Variants in MEI1 observed in about 807,000 individuals in gnomAD.
The protein encoded by MEI1 is meiotic double-stranded break formation protein 1.
Under a neutral mutation model 146.2 loss-of-function variants are expected in MEI1, and 103 were observed. The observed-to-expected ratio is 0.70, with a 90% CI of 0.60 to 0.83. MEI1 has a LOEUF of 0.83. Ranked by LOEUF, MEI1 falls within the 40% of genes least tolerant of loss-of-function variation. The pLI is 0.00. For synonymous variants in MEI1, 652 were observed against 628.2 expected, an observed-to-expected ratio of 1.04 and a Z score of -0.57; for missense variants, 1,529 against 1,533.0, an observed-to-expected ratio of 1.00 and a Z score of 0.04.
At chr22:41,739,812 A>G (rs2072703516) in intron 11 of MEI1, among the ~76,000 whole-genome samples, 1 of 152,150 alleles carries the variant, frequency 6.6e-6, no homozygotes, top group Non-Finnish European at 1.5e-5. Flanking sequence ...TTTCAGTTGT[A>G]CTATGAAGGG....
At chr22:41,799,188 G>A (rs1179640949) in intron 30 of MEI1, 66 bp from the exon 31 acceptor site, 13 of 1,489,602 alleles carry the variant, frequency 8.7e-6, no homozygotes, top group Non-Finnish European at 4.7e-6. Context: ...TTTGGGCTCT[G>A]GAAGTGTGAT....
chr22:41,781,547 T>A (rs2052472932), intron 23 of MEI1, 138 bp from the exon 24 acceptor site: 3 of 1,181,822 alleles, frequency 2.5e-6, no homozygotes, highest in Admixed American at 4.8e-5. Flanking sequence ...GCTTCTGTTA[T>A]GAAGCTGGGA....
rs994230196 is a variant in MEI1 at position 41,716,055 on chromosome 22, C to T, written c.438C>T (p.Pro146=). The part of the protein sequence containing the change: ...DECHKELCNM[P]SMRGSLATLT... ...ACTTTCTGTAGCTGTGTAACATGCCCTCCATGCGAGGCAGCCTGGCCACCC... is the reference window on the plus strand; with the variant it reads ...ACTTTCTGTAGCTGTGTAACATGCCTTCCATGCGAGGCAGCCTGGCCACCC... The change falls in exon 5 of 31, where the codon CCC becomes CCT. Residue 146 remains proline, a synonymous_variant. Coordinates refer to ENST00000401548, the MANE Select transcript of MEI1 (RefSeq NM_152513.4). The T allele has an allele frequency of 1.9e-6, 3 of 1,609,876 alleles. No homozygotes were observed. Among genetic ancestry groups the T allele is most frequent in the Admixed American group, 1.7e-5 (1 of 59,582 alleles).
chr22:41,725,606 C>A lies in MEI1; in HGVS notation c.864+1533C>A, dbSNP rs566106842. Among the ~76,000 whole-genome samples, 62 of 152,360 alleles carry A rather than the reference C, an allele frequency of 4.1e-4. No homozygotes were observed. The South Asian group carries it at 0.012, about 30-fold the overall frequency. On this transcript the variant is annotated intron_variant, in intron 7 of 30. Transcript: ENST00000401548. The stretch of plus-strand genomic sequence containing the variant: ...TCCACCCCACAACCCAGTGCTCCAG[C>A]CACATGCAGTCTTTCCCTGGTCCTG...
chr22:41,741,018 C>A (rs2072814867), intron 11 of MEI1, among the ~76,000 whole-genome samples: 2 of 152,178 alleles, frequency 1.3e-5, no homozygotes, highest in African/African-American at 4.8e-5. Context: ...TCAAGCGATT[C>A]TCCTGCCTCA....
rs369345098 is a variant in MEI1 at position 41,731,622 on chromosome 22, T to C, written c.1097-623T>C. Among the ~76,000 whole-genome samples the C allele has an allele frequency of 3.9e-4, 59 of 152,230 alleles. 2 individuals carry two copies. The South Asian group carries it at 0.012, about 30-fold the overall frequency. On this transcript the variant is annotated intron_variant, in intron 9 of 30. Coordinates refer to ENST00000401548, the MANE Select transcript of MEI1 (RefSeq NM_152513.4). ...ATCTGCCTGCCTCGGCCTCCCAAAG[T>C]GCTGGGATTACAGGCGTGAGTGCAC...
chr22:41,703,397 A>C lies in MEI1; in HGVS notation c.241A>C (p.Thr81Pro), dbSNP rs2068855759. 1 of 1,610,548 alleles carries C rather than the reference A, an allele frequency of 6.2e-7. No homozygotes were observed. The highest frequency in any genetic ancestry group is 8.5e-7 in the Non-Finnish European group (1 of 1,178,336). ...CCTTGTGAGGCATACCTCCCTGGTC[A>C]CGCAACTGGTGTCTCAGGATCAGAG... Reference protein sequence around the residue: ...DALVRHTSLVTQLVSQDQRVC... With the variant: ...DALVRHTSLVPQLVSQDQRVC... Residue 81 changes from threonine (T) to proline (P), a missense_variant, in exon 2 of 31, where the codon ACG becomes CCG. This residue lies in a region of MEI1 where 1,212 missense variants were observed against 1,178.9 expected (regional missense o/e 1.03). Transcript: ENST00000401548.
At chr22:41,764,702 A>G (rs2074728130) in intron 19 of MEI1, among the ~76,000 whole-genome samples, 1 of 152,200 alleles carries the variant, frequency 6.6e-6, no homozygotes, top group Non-Finnish European at 1.5e-5. Flanking sequence ...TTGTCCACAC[A>G]CAACCACCAC....
At position 41,714,084 on chromosome 22, in the gene MEI1, A is replaced by T. The variant is rs1041410756; in HGVS notation, c.423+9A>T. 1.3e-6 allele frequency: 2 copies of T among 1,591,176 alleles called. No homozygotes were observed. Among genetic ancestry groups the T allele is most frequent in the Admixed American group, 3.6e-5 (2 of 56,262 alleles). ...ATGAGTGCCACAAAGAGGTCAGAAA[A>T]TAGCTATGGGTTCTTGAGTCTCTCA... On this transcript the variant is annotated intron_variant, in intron 4 of 30. Coordinates refer to ENST00000401548, the MANE Select transcript of MEI1 (RefSeq NM_152513.4).
chr22:41,713,147 A>G (rs960670452), intron 3 of MEI1, among the ~76,000 whole-genome samples: 2 of 152,072 alleles, frequency 1.3e-5, no homozygotes, highest in African/African-American at 2.4e-5. Context: ...AGGTGAGTCT[A>G]ATGTGCAGCC....
At chr22:41,761,028 C>T (rs1390110225) in intron 18 of MEI1, among the ~76,000 whole-genome samples, 1 of 152,034 alleles carries the variant, frequency 6.6e-6, no homozygotes, top group Non-Finnish European at 1.5e-5. Flanking sequence ...CTGTCTCTTC[C>T]CTCACGGGTG....
Position 41,770,913 on chromosome 22 carries a change from C to G in MEI1, c.2496C>G (p.Val832=). The change falls in exon 20 of 31, where the codon GTC becomes GTG. Residue 832 remains valine (V), a synonymous_variant. Transcript: ENST00000401548. The stretch of plus-strand genomic sequence containing the variant: ...CCGCCCTTCCTGCCAGCTTAGTAGT[C>G]CTGTTCCAGTTGCTCAGAAGCATCC... ...GQPALPASLV[V]LFQLLRSIPS... The G allele has an allele frequency of 6.2e-7, 1 of 1,614,010 alleles. No homozygotes were observed. Among genetic ancestry groups the G allele is most frequent in the Non-Finnish European group, 8.5e-7 (1 of 1,179,894 alleles).
intron 27 of MEI1, 168 bp downstream of exon 27, chr22:41,794,078 T>C (rs1249979847): frequency 1.3e-5 from 9 of 698,696 alleles, no homozygotes; most frequent in Admixed American, 2.7e-5. Context: ...ACAGATGGGA[T>C]CAATAAGGTT....
At chr22:41,776,852 C>G (rs1046563226) in intron 21 of MEI1, among the ~76,000 whole-genome samples, 8 of 151,976 alleles carry the variant, frequency 5.3e-5, no homozygotes, top group African/African-American at 1.9e-4. Flanking sequence ...CTCACTCTGT[C>G]ACCCACGCTG....
At chr22:41,726,777 T>TC (rs1372571901) in intron 7 of MEI1, among the ~76,000 whole-genome samples, 1 of 151,708 alleles carries the variant, frequency 6.6e-6, no homozygotes, top group African/African-American at 2.4e-5. Context: ...AAGATTAATT[T>TC]CTTTTTTTTT....
chr22:41,708,072 A>G (rs1442539896), intron 3 of MEI1, among the ~76,000 whole-genome samples: 1 of 152,238 alleles, frequency 6.6e-6, no homozygotes, highest in Admixed American at 6.5e-5. Flanking sequence ...GCCATTGTCA[A>G]TTTGTCCCCA....
In MEI1 at chr22:41,714,085, T is replaced by C; in HGVS notation, c.423+10T>C. The C allele has an allele frequency of 6.3e-7, 1 of 1,589,522 alleles. No individual in the cohort carries two copies. The highest frequency in any genetic ancestry group is 8.6e-7 in the Non-Finnish European group (1 of 1,167,276). On this transcript the variant is annotated intron_variant, in intron 4 of 30. Transcript: ENST00000401548. ...TGAGTGCCACAAAGAGGTCAGAAAATAGCTATGGGTTCTTGAGTCTCTCAG... is the reference window on the plus strand; with the variant it reads ...TGAGTGCCACAAAGAGGTCAGAAAACAGCTATGGGTTCTTGAGTCTCTCAG...
At chr22:41,778,206 G>T (rs1367166252) in intron 21 of MEI1, among the ~76,000 whole-genome samples, 1 of 152,110 alleles carries the variant, frequency 6.6e-6, no homozygotes, top group African/African-American at 2.4e-5. Context: ...GGAGCTCCTC[G>T]CAGTTTCTTT....
intron 20 of MEI1, among the ~76,000 whole-genome samples, chr22:41,773,540 G>C (rs1264650797): frequency 7.4e-6 from 1 of 134,818 alleles, no homozygotes; most frequent in Non-Finnish European, 1.5e-5. Context: ...CACTAACTTA[G>C]ATCCTAGAGA....
Sources: gnomAD v4.1 joint callset for allele counts (sites outside exome capture counted in the v4.1 genomes callset) on GRCh38, gnomAD v4.1.1 for gene constraint, gnomAD v4.1.1 regional missense constraint, MANE v1.5 for transcripts, NCBI Gene and HGNC (gene_info 2026-07-23, HGNC 2026-07-21) for gene names.